SMOX: variants seen among roughly 807,000 people sequenced by gnomAD.
SMOX encodes spermine oxidase.
A neutral mutation model predicts 51.0 loss-of-function variants in SMOX; 22 were observed. The observed-to-expected ratio is 0.43, with a 90% CI of 0.31 to 0.62. The LOEUF (loss-of-function observed/expected upper bound fraction) is 0.62. Ranked by LOEUF, SMOX falls within the 20% of genes least tolerant of loss-of-function variation. The pLI, the probability that SMOX is intolerant of heterozygous loss-of-function variation, is 0.10. For synonymous variants in SMOX, 282 were observed against 307.8 expected, an observed-to-expected ratio of 0.92 and a Z score of 0.88; for missense variants, 566 against 777.7, an observed-to-expected ratio of 0.73 and a Z score of 3.24.
chr20:4,172,453 G>A lies in SMOX; in HGVS notation c.-26-2577G>A, dbSNP rs922752346. ...TTGCAGGAAGGAGAACCTGGGGTAGGGTGGGGGAGGACTGGAGCCAGCCCT... is the reference window on the plus strand; with the variant it reads ...TTGCAGGAAGGAGAACCTGGGGTAGAGTGGGGGAGGACTGGAGCCAGCCCT... On this transcript the variant is annotated intron_variant, in intron 1 of 6. Transcript: ENST00000305958. The surrounding 1 kb of genome is among the most constrained non-coding windows in gnomAD (Gnocchi z 7.7). Among the ~76,000 whole-genome samples, 1 of 152,206 alleles carries A rather than the reference G, an allele frequency of 6.6e-6. No individual in the cohort carries two copies. Among genetic ancestry groups the A allele is most frequent in the Non-Finnish European group, 1.5e-5 (1 of 68,030 alleles).
chr20:4,178,841 G>A (rs1170172043), intron 3 of SMOX, among the ~76,000 whole-genome samples: 2 of 152,084 alleles, frequency 1.3e-5, no homozygotes, highest in African/African-American at 4.8e-5. Flanking sequence ...GTACCACCAT[G>A]CCCAGCTAAT....
chr20:4,166,966 C>T lies in SMOX; in HGVS notation c.-26-8064C>T, dbSNP rs1026034148. On this transcript the variant is annotated intron_variant, in intron 1 of 6. Coordinates refer to ENST00000305958, the MANE Select transcript of SMOX (RefSeq NM_175839.3). This position sits in a 1 kb window ranked among gnomAD's most constrained non-coding sequence, Gnocchi z 4.2. ...ATTGGAAAGAAGTCTGGGTGCCAGGCAGGATGATGGAGGCCTTCCCTGTTT... is the reference window on the plus strand; with the variant it reads ...ATTGGAAAGAAGTCTGGGTGCCAGGTAGGATGATGGAGGCCTTCCCTGTTT... Among the ~76,000 whole-genome samples the T allele has an allele frequency of 6.6e-6, 1 of 152,230 alleles. No homozygotes were observed. The highest frequency in any genetic ancestry group is 1.5e-5 in the Non-Finnish European group (1 of 68,048).
chr20:4,186,930 C>T (rs952948300), intron 6 of SMOX: 42 of 690,726 alleles, frequency 6.1e-5, no homozygotes, highest in Middle Eastern at 4.8e-4. Flanking sequence ...AACCACCCTC[C>T]GAAGTAGGTG....
At chr20:4,180,154 C>G (rs1042592435) in intron 3 of SMOX, among the ~76,000 whole-genome samples, 16 of 152,228 alleles carry the variant, frequency 1.1e-4, no homozygotes, top group Non-Finnish European at 2.4e-4. Context: ...TTGCTGAGGA[C>G]TCCAGCTAAG....
intron 1 of SMOX, among the ~76,000 whole-genome samples, chr20:4,162,584 C>T (rs1986387411): frequency 6.6e-6 from 1 of 152,150 alleles, no homozygotes; most frequent in South Asian, 2.1e-4. Context: ...TGGCTGTGAG[C>T]CTCAGGGCAG....
chr20:4,183,289 G>A lies in SMOX; in HGVS notation c.1370-205G>A. 1 of 650,594 alleles carries A rather than the reference G, an allele frequency of 1.5e-6. No individual in the cohort carries two copies. The highest frequency in any genetic ancestry group is 2.6e-6 in the Non-Finnish European group (1 of 380,300). The allele number at this position is 650,594 out of a possible 1,614,324, so 40.3% of individuals were successfully genotyped here. A position where few individuals can be genotyped will look rare whatever the true frequency, so the allele number is the denominator to read the frequency against. ...TAGGAAAAGTAAGGTGGAGCGTTTTGCCGGGGGTCACAGGAGGCGCTGAGT... is the reference window on the plus strand; with the variant it reads ...TAGGAAAAGTAAGGTGGAGCGTTTTACCGGGGGTCACAGGAGGCGCTGAGT... On this transcript the variant is annotated intron_variant, in intron 5 of 6. Coordinates refer to ENST00000305958, the MANE Select transcript of SMOX (RefSeq NM_175839.3). This position sits in a 1 kb window ranked among gnomAD's most constrained non-coding sequence, Gnocchi z 4.3.
At chr20:4,150,403 A>C (rs1482144193) in intron 1 of SMOX, among the ~76,000 whole-genome samples, 1 of 152,086 alleles carries the variant, frequency 6.6e-6, no homozygotes, top group Non-Finnish European at 1.5e-5. Flanking sequence ...GGTCTCCTTG[A>C]ACACTCTCCT....
Position 4,181,884 on chromosome 20 carries a change from C to A in SMOX, c.517C>A (p.Arg173=), listed in dbSNP as rs763589123. ...TCAAAATAGCGTGGGGGTGTTCACC[C>A]GAGAGGAGGTGCGTAACCGCATCAG... ...ESQNSVGVFT[R]EEVRNRIRND... is the part of the protein sequence containing the mutation. Residue 173 remains arginine, a synonymous_variant, in exon 4 of 7, where the codon CGA becomes AGA. Transcript: ENST00000305958. The surrounding 1 kb of genome is among the most constrained non-coding windows in gnomAD (Gnocchi z 5.6). 1.9e-6 allele frequency: 3 copies of A among 1,614,134 alleles called. No homozygotes were observed. Among genetic ancestry groups the A allele is most frequent in the Non-Finnish European group, 2.5e-6 (3 of 1,180,028 alleles).
In SMOX at chr20:4,166,570, T is replaced by C. The variant is rs1170606741; in HGVS notation, c.-26-8460T>C. Among the ~76,000 whole-genome samples, 1 of 152,198 alleles carries C rather than the reference T, an allele frequency of 6.6e-6. No individual in the cohort carries two copies. Among genetic ancestry groups the C allele is most frequent in the Non-Finnish European group, 1.5e-5 (1 of 68,032 alleles). ...CCTCCTCCACCCCCAGTTAGGTTTC[T>C]AGTTGAGTAGTCTCCTGGGTCTGCC... On this transcript the variant is annotated intron_variant, in intron 1 of 6. Coordinates refer to ENST00000305958, the MANE Select transcript of SMOX (RefSeq NM_175839.3). This position sits in a 1 kb window ranked among gnomAD's most constrained non-coding sequence, Gnocchi z 4.2.
At chr20:4,162,552 A>T (rs1163253120) in intron 1 of SMOX, among the ~76,000 whole-genome samples, 1 of 151,876 alleles carries the variant, frequency 6.6e-6, no homozygotes, top group Non-Finnish European at 1.5e-5. Flanking sequence ...CATGATCCTT[A>T]TTTCTGTACC....
At position 4,149,816 on chromosome 20, in the gene SMOX, C is replaced by T. The variant is rs1985642907; in HGVS notation, c.-27+839C>T. Reference sequence around the variant, plus strand: ...TTTGCAGAACCTGCTGTTGGTGGCACATCACGTACCAGTCTGTGGGGGCAA... The same window carrying T: ...TTTGCAGAACCTGCTGTTGGTGGCATATCACGTACCAGTCTGTGGGGGCAA... On this transcript the variant is annotated intron_variant, in intron 1 of 6. Coordinates refer to ENST00000305958, the MANE Select transcript of SMOX (RefSeq NM_175839.3). The surrounding 1 kb of genome is among the most constrained non-coding windows in gnomAD (Gnocchi z 6.0). 6.6e-6 allele frequency among the ~76,000 whole-genome samples: 1 copy of T among 152,152 alleles called. No homozygotes were observed. Among genetic ancestry groups the T allele is most frequent in the Non-Finnish European group, 1.5e-5 (1 of 68,014 alleles).
chr20:4,149,848 C>A lies in SMOX; in HGVS notation c.-27+871C>A, dbSNP rs1371516698. On this transcript the variant is annotated intron_variant, in intron 1 of 6. Transcript: ENST00000305958. The surrounding 1 kb of genome is among the most constrained non-coding windows in gnomAD (Gnocchi z 6.0). ...TACCAGTCTGTGGGGGCAACTTGGCCGTGATTGGAGCCAGCAGTAGGTGCC... is the reference window on the plus strand; with the variant it reads ...TACCAGTCTGTGGGGGCAACTTGGCAGTGATTGGAGCCAGCAGTAGGTGCC... 6.6e-6 allele frequency among the ~76,000 whole-genome samples: 1 copy of A among 152,238 alleles called. No homozygotes were observed. Among genetic ancestry groups the A allele is most frequent in the South Asian group, 2.1e-4 (1 of 4,826 alleles).
At chr20:4,173,318 A>G (rs1001692183) in intron 1 of SMOX, among the ~76,000 whole-genome samples, 1 of 152,268 alleles carries the variant, frequency 6.6e-6, no homozygotes, top group East Asian at 1.9e-4. Context: ...ATGAAGTCAT[A>G]CAGTCCGTGC....
intron 1 of SMOX, among the ~76,000 whole-genome samples, chr20:4,163,285 A>C (rs1986417474): frequency 6.6e-6 from 1 of 152,060 alleles, no homozygotes; most frequent in African/African-American, 2.4e-5. Flanking sequence ...TATTTGTAAA[A>C]ATCTCCAGGT....
rs903685635 is a variant in SMOX, at chr20:4,172,718, C to T, written c.-26-2312C>T. 6.6e-6 allele frequency among the ~76,000 whole-genome samples: 1 copy of T among 150,648 alleles called. No individual in the cohort carries two copies. The highest frequency in any genetic ancestry group is 6.7e-5 in the Admixed American group (1 of 15,030). ...CCGGGTCTCGGGCGCCACCTACCGGCCCTTTTGGGAACCGATTCTGCACGG... is the reference window on the plus strand; with the variant it reads ...CCGGGTCTCGGGCGCCACCTACCGGTCCTTTTGGGAACCGATTCTGCACGG... On this transcript the variant is annotated intron_variant, in intron 1 of 6. Coordinates refer to ENST00000305958, the MANE Select transcript of SMOX (RefSeq NM_175839.3). This position sits in a 1 kb window ranked among gnomAD's most constrained non-coding sequence, Gnocchi z 7.7.
chr20:4,159,198 GC>G (rs1454944012), intron 1 of SMOX, among the ~76,000 whole-genome samples: 12 of 152,036 alleles, frequency 7.9e-5, no homozygotes, highest in Admixed American at 7.9e-4. Context: ...TGCAACCTCT[GC>G]CCCCTGGGTT....
At position 4,177,496 on chromosome 20, in the gene SMOX, T is replaced by G; in HGVS notation, c.354T>G (p.Asn118Lys). ...SVGRISLYSK[N>K]GVACYLTNHG... ...GCCGCATCAGCCTCTATTCCAAGAA[T>G]GGCGTGGCCTGCTACCTTACCAACC... is the stretch of plus-strand genomic sequence containing the variant. The change falls in exon 3 of 7, where the codon AAT becomes AAG. Residue 118 changes from asparagine (N) to lysine (K), a missense_variant. Around this residue, in one of 3 missense-constraint regions of SMOX, gnomAD observed 217 missense variants for 278.4 expected, o/e 0.78. Transcript: ENST00000305958. The surrounding 1 kb of genome is among the most constrained non-coding windows in gnomAD (Gnocchi z 4.3). The G allele has an allele frequency of 6.3e-7, 1 of 1,589,632 alleles. No homozygotes were observed. The highest frequency in any genetic ancestry group is 8.6e-7 in the Non-Finnish European group (1 of 1,166,758).
intron 1 of SMOX, among the ~76,000 whole-genome samples, chr20:4,155,276 C>T (rs887659887): frequency 2.2e-4 from 34 of 152,174 alleles, no homozygotes; most frequent in African/African-American, 6.5e-4. Flanking sequence ...ATCACCCCAG[C>T]GTGTGCAGTG....
intron 1 of SMOX, among the ~76,000 whole-genome samples, chr20:4,152,363 T>C: frequency 6.6e-6 from 1 of 152,078 alleles, no homozygotes; most frequent in Non-Finnish European, 1.5e-5. Context: ...TCTCTCTCTA[T>C]CTCTAGACTC....
Sources: allele counts gnomAD v4.1 joint callset (sites outside exome capture counted in the v4.1 genomes callset), GRCh38; gene constraint gnomAD v4.1.1; regional missense constraint gnomAD v4.1.1; non-coding constraint Gnocchi (gnomAD v3.1); transcripts MANE v1.5; gene names NCBI Gene and HGNC (gene_info 2026-07-23, HGNC 2026-07-21).